Variants in FHOD1 observed in about 807,000 individuals in gnomAD.
FHOD1 encodes the protein formin homology 2 domain containing 1, also known as FH1/FH2 domain-containing protein 1.
A neutral mutation model predicts 111.6 loss-of-function variants in FHOD1; 89 were observed. The ratio of observed to expected loss-of-function variants is 0.80; its 90% CI spans 0.67 to 0.95. The LOEUF (loss-of-function observed/expected upper bound fraction) is 0.95. FHOD1 is among the 40% of genes least tolerant of loss of function. The probability of loss-of-function intolerance (pLI) is 0.00; values close to 1 mark genes in which losing one functional copy is unlikely to be tolerated. For missense variants in FHOD1, 1,446 were observed against 1,554.2 expected (o/e 0.93, Z 1.17); for synonymous variants, 618 against 639.0 (o/e 0.97, Z 0.50).
chr16:67,230,277 G>C lies in FHOD1; in HGVS notation c.3051+37C>G. Reference sequence around the variant, plus strand: ...TGGGAGGAGCGAAGGAAACCAAGGAGGTGGCAGTCAAGACTAAGACCTGGA... The same window carrying C: ...TGGGAGGAGCGAAGGAAACCAAGGACGTGGCAGTCAAGACTAAGACCTGGA... On this transcript the variant is annotated intron_variant, in intron 19 of 21. Coordinates refer to ENST00000258201, the MANE Select transcript of FHOD1 (RefSeq NM_013241.3). The C allele has an allele frequency of 1.9e-6, 3 of 1,613,522 alleles. No individual in the cohort carries two copies. The South Asian group carries it at 3.3e-5, about 18-fold the overall frequency.
chr16:67,239,197 C>A, intron 2 of FHOD1, 151 bp downstream of exon 2: 1 of 728,472 alleles, frequency 1.4e-6, no homozygotes, highest in Admixed American at 2.1e-5. Flanking sequence ...GTAACACTGG[C>A]CAGGCTTTAG....
intron 1 of FHOD1, among the ~76,000 whole-genome samples, chr16:67,245,507 G>A (rs2034785184): frequency 6.6e-6 from 1 of 152,166 alleles, no homozygotes; most frequent in South Asian, 2.1e-4. Flanking sequence ...CACTTTGGGA[G>A]GCTTAGGCAG....
intron 10 of FHOD1, 116 bp downstream of exon 10, chr16:67,236,850 G>A: frequency 1.4e-6 from 2 of 1,431,734 alleles, no homozygotes; most frequent in East Asian, 2.3e-5. Flanking sequence ...GCCCAGTGGA[G>A]GAGGTGGGGG....
intron 13 of FHOD1, 23 bp downstream of exon 13, chr16:67,233,634 A>G (rs1332656994): frequency 5.8e-6 from 9 of 1,565,106 alleles, no homozygotes; most frequent in Non-Finnish European, 7.0e-6. Context: ...CCTTGGGGCT[A>G]CCTTGCAGAT....
chr16:67,238,473 T>C lies in FHOD1; in HGVS notation c.374-26A>G, dbSNP rs573750389. 8.7e-6 allele frequency: 14 copies of C among 1,601,178 alleles called. No individual in the cohort carries two copies. The highest frequency in any genetic ancestry group is 1.7e-4 in the Middle Eastern group (1 of 6,046). ...CTGCAAAAGGTAGGGTATAAAACCC[T>C]TGATGGACACAGACTCACTGTCTTC... On this transcript the variant is annotated intron_variant, in intron 3 of 21. Coordinates refer to ENST00000258201, the MANE Select transcript of FHOD1 (RefSeq NM_013241.3). The surrounding 1 kb of genome is among the most constrained non-coding windows in gnomAD (Gnocchi z 4.2).
In FHOD1 at chr16:67,237,034, A is replaced by C. The variant is rs768415955; in HGVS notation, c.1074T>G (p.Ser358=). Residue 358 remains serine (S), a synonymous_variant, in exon 10 of 22, where the codon TCT becomes TCG. Transcript: ENST00000258201. The surrounding 1 kb of genome is among the most constrained non-coding windows in gnomAD (Gnocchi z 5.6). ...AACGGCGGCTCCTCTTGCCCTCCTC[A>C]GAAGAAGGCTTTCGTCGTTCCCGCC... ...GGRRERRKPS[S]EEGKRSRRSL... is the part of the protein sequence containing the mutation. The C allele has an allele frequency of 1.9e-5, 30 of 1,612,920 alleles. No individual in the cohort carries two copies. Among genetic ancestry groups the C allele is most frequent in the African/African-American group, 2.7e-5 (2 of 74,902 alleles).
chr16:67,244,946 A>C (rs1051831923), intron 1 of FHOD1, among the ~76,000 whole-genome samples: 4 of 152,084 alleles, frequency 2.6e-5, no homozygotes, highest in Admixed American at 6.5e-5. Flanking sequence ...TACGGGAGGA[A>C]CCAGCTGTTG....
chr16:67,230,186 G>T lies in FHOD1; in HGVS notation c.3094C>A (p.Pro1032Thr). 6.2e-7 allele frequency: 1 copy of T among 1,614,018 alleles called. No individual in the cohort carries two copies. The part of the protein sequence containing the change: ...SGVAGEAPSN[P>T]SVPVAVSSGP... ...CTGCTCACTGCTACTGGGACAGAGG[G>T]GTTGCTGGGGGCTTCCCCAGCCACA... The change falls in exon 20 of 22, where the codon CCC becomes ACC. Residue 1032 changes from proline to threonine, a missense_variant. Coordinates refer to ENST00000258201, the MANE Select transcript of FHOD1 (RefSeq NM_013241.3).
chr16:67,231,264 C>G lies in FHOD1; in HGVS notation c.2591G>C (p.Cys864Ser). ...VRRQSLLHHL[C>S]SLVLQTRPES... is the part of the protein sequence containing the mutation. Reference sequence around the variant, plus strand: ...AGGCCGGGTCTGGAGCACTAGGGAGCAGAGATGGTGTAGCAGTGACTGTCG... The same window carrying G: ...AGGCCGGGTCTGGAGCACTAGGGAGGAGAGATGGTGTAGCAGTGACTGTCG... Residue 864 changes from cysteine to serine, a missense_variant, in exon 17 of 22, where the codon TGC (cysteine) becomes TCC (serine). By Grantham distance (112) the Cys-to-Ser change is moderately radical (BLOSUM62 -1). Coordinates refer to ENST00000258201, the MANE Select transcript of FHOD1 (RefSeq NM_013241.3). This position sits in a 1 kb window ranked among gnomAD's most constrained non-coding sequence, Gnocchi z 4.3. 1 of 1,614,170 alleles carries G rather than the reference C, an allele frequency of 6.2e-7. No individual in the cohort carries two copies. Among genetic ancestry groups the G allele is most frequent in the Non-Finnish European group, 8.5e-7 (1 of 1,180,030 alleles).
intron 10 of FHOD1, 60 bp downstream of exon 10, chr16:67,236,898 GGCCTGTCA>G: frequency 6.6e-7 from 1 of 1,522,892 alleles, no homozygotes; most frequent in South Asian, 1.3e-5. Context: ...TTGGGGTCAG[GGCCTGTCA>G]GCTCACTGGG....
chr16:67,233,932 G>C lies in FHOD1; in HGVS notation c.1771C>G (p.Pro591Ala). Residue 591 changes from proline (P) to alanine (A), a missense_variant, in exon 13 of 22, where the codon CCC becomes GCC. Pro to Ala is a conservative substitution (Grantham distance 27, BLOSUM62 -1). This residue lies in a region of FHOD1 where 1,085 missense variants were observed against 1,108.8 expected (regional missense o/e 0.98). Coordinates refer to ENST00000258201, the MANE Select transcript of FHOD1 (RefSeq NM_013241.3). The stretch of plus-strand genomic sequence containing the variant: ...GGGAAGGGGCCTTTGATGGGTGGGG[G>C]AGGTGGAAGTGGGGGAGGGGGGGGT... ...GVPPPPPLPP[P>A]PPIKGPFPPP... 6.5e-7 allele frequency: 1 copy of C among 1,538,864 alleles called. No homozygotes were observed. Among genetic ancestry groups the C allele is most frequent in the South Asian group, 1.1e-5 (1 of 87,426 alleles).
rs1220658110 is a variant in FHOD1 at position 67,247,268 on chromosome 16, G to A, written c.143C>T (p.Ala48Val). The A allele has an allele frequency of 6.2e-7, 1 of 1,611,306 alleles. No homozygotes were observed. ...RRAPTCSLDGALPLGAQIPAV... is the reference protein window; with the variant it reads ...RRAPTCSLDGVLPLGAQIPAV... ...GGGTATCTGCGCGCCCAAGGGCAGC[G>A]CCCCGTCCAGGCTGCAGGTGGGGGC... The change falls in exon 1 of 22, where the codon GCG becomes GTG. Residue 48 changes from alanine to valine, a missense_variant. Ala to Val is a moderately conservative substitution (Grantham distance 64). This residue lies in a region of FHOD1 where 127 missense variants were observed against 118.0 expected (regional missense o/e 1.08). Transcript: ENST00000258201.
rs1316942614 is a variant in FHOD1 at position 67,236,993 on chromosome 16, C to T, written c.1115G>A (p.Gly372Asp). The T allele has an allele frequency of 1.2e-6, 2 of 1,604,420 alleles. No homozygotes were observed. Among genetic ancestry groups the T allele is most frequent in the African/African-American group, 1.3e-5 (1 of 74,436 alleles). Reference protein sequence around the residue: ...KRSRRSLEGGGCPARAPEPGP... With the variant: ...KRSRRSLEGGDCPARAPEPGP... ...AGGTTCCGGGGCACGCGCGGGGCAG[C>T]CCCCGCCTTCCAGAGAACGGCGGCT... The change falls in exon 10 of 22, where the codon GGC becomes GAC. Residue 372 changes from glycine to aspartate, a missense_variant. Gly to Asp is a moderately conservative substitution (Grantham distance 94). This residue lies in a region of FHOD1 where 1,085 missense variants were observed against 1,108.8 expected (regional missense o/e 0.98). Transcript: ENST00000258201.
Position 67,230,004 on chromosome 16 carries a change from G to T in FHOD1, c.3215-14C>A. ...TCTGGACCATGCCTGAGGAAGGCCA[G>T]ATAGCAAAGTCAGGCCAAGGTGGCA... On this transcript the variant is annotated splice_polypyrimidine_tract_variant and intron_variant, in intron 20 of 21. Coordinates refer to ENST00000258201, the MANE Select transcript of FHOD1 (RefSeq NM_013241.3). 6.2e-7 allele frequency: 1 copy of T among 1,613,438 alleles called. No homozygotes were observed. The highest frequency in any genetic ancestry group is 2.2e-5 in the East Asian group (1 of 44,866).
intron 1 of FHOD1, 120 bp downstream of exon 1, chr16:67,247,090 C>T: frequency 8.2e-7 from 1 of 1,226,846 alleles, no homozygotes; most frequent in Admixed American, 2.9e-5. Flanking sequence ...GACCCCAGCC[C>T]AAGACTTTTC....
Position 67,233,704 on chromosome 16 carries a change from G to C in FHOD1, c.1999C>G (p.Leu667Val). 1 of 1,609,994 alleles carries C rather than the reference G, an allele frequency of 6.2e-7. No homozygotes were observed. Among genetic ancestry groups the C allele is most frequent in the Admixed American group, 1.7e-5 (1 of 59,904 alleles). ...GCACGAGACTCAAAGAGGTGTTCCAGTCGGGCCGTGTCCACTGAGACAGGG... is the reference window on the plus strand; with the variant it reads ...GCACGAGACTCAAAGAGGTGTTCCACTCGGGCCGTGTCCACTGAGACAGGG... ...LDPVSVDTAR[L>V]EHLFESRAKE... The change falls in exon 13 of 22, where the codon CTG becomes GTG. Residue 667 changes from leucine to valine, a missense_variant. By Grantham distance (32) the Leu-to-Val change is conservative. Around this residue, in one of 3 missense-constraint regions of FHOD1, gnomAD observed 1,085 missense variants for 1,108.8 expected, o/e 0.98. Transcript: ENST00000258201.
intron 11 of FHOD1, chr16:67,236,010 A>G: frequency 1.0e-6 from 1 of 981,652 alleles, no homozygotes; most frequent in Non-Finnish European, 1.2e-6. Context: ...CGGCCTCTGT[A>G]CTTACTCCAG....
Position 67,247,360 on chromosome 16 carries a change from G to T in FHOD1, c.51C>A (p.Thr17=). ...TGTCTTCCAGGTACTGCACCCTCAC[G>T]GTCACCACTGATACCGGCTCTCCGT... ...RGDGEPVSVV[T]VRVQYLEDTD... is the part of the protein sequence containing the mutation. The change falls in exon 1 of 22, where the codon ACC becomes ACA. Residue 17 remains threonine (T), a synonymous_variant. Coordinates refer to ENST00000258201, the MANE Select transcript of FHOD1 (RefSeq NM_013241.3). The T allele has an allele frequency of 1.2e-6, 2 of 1,613,584 alleles. No individual in the cohort carries two copies. The highest frequency in any genetic ancestry group is 2.2e-5 in the East Asian group (1 of 44,860).
chr16:67,234,709 G>T (rs1187096726), intron 11 of FHOD1: 3 of 515,352 alleles, frequency 5.8e-6, no homozygotes, highest in East Asian at 6.1e-5. Context: ...ACAGGGAGAG[G>T]ATCTACTTAA....
Sources: gnomAD v4.1 joint callset for allele counts (sites outside exome capture counted in the v4.1 genomes callset) on GRCh38, gnomAD v4.1.1 for gene constraint, gnomAD v4.1.1 regional missense constraint, Gnocchi (gnomAD v3.1) non-coding constraint, MANE v1.5 for transcripts, NCBI Gene and HGNC (gene_info 2026-07-23, HGNC 2026-07-21) for gene names.